The following MAP3K13 variants were observed in gnomAD, a reference collection of about 807,000 sequenced individuals.
The protein encoded by MAP3K13 is leucine zipper-bearing kinase.
In MAP3K13, 52 loss-of-function variants were observed where a neutral mutation model predicts 104.0. That is an observed-to-expected ratio of 0.50 (90% CI 0.40 to 0.63). The LOEUF is 0.63. Among genes scored for constraint, MAP3K13 ranks in the 20% least tolerant of loss-of-function variants. The pLI, the probability that MAP3K13 is intolerant of heterozygous loss-of-function variation, is 0.00. For missense variants in MAP3K13, 914 were observed against 1,218.5 expected, an observed-to-expected ratio of 0.75 and a Z score of 3.72; for synonymous variants, 394 against 442.2, an observed-to-expected ratio of 0.89 and a Z score of 1.37.
At chr3:185,303,758 A>T (rs7428763) in intron 2 of MAP3K13, among the ~76,000 whole-genome samples, 117,474 of 151,282 alleles carry the variant, frequency 0.78, 46,132 homozygotes, top group Non-Finnish European at 0.84. Flanking sequence ...TGCCTTTTTT[A>T]AAAAGACAAG....
intron 2 of MAP3K13, chr3:185,292,083 T>C (rs1379262172): frequency 1.3e-6 from 1 of 763,878 alleles, no homozygotes. Flanking sequence ...GGCAGCTGGA[T>C]GCCCCAAGGT....
chr3:185,375,652 A>G (rs1724390062), intron 1 of MAP3K13, among the ~76,000 whole-genome samples: 2 of 152,330 alleles, frequency 1.3e-5, no homozygotes, highest in East Asian at 1.9e-4. Flanking sequence ...CGTGAGGGAT[A>G]CAAGTTGGAA....
chr3:185,462,332 T>G (rs909459093), intron 7 of MAP3K13, among the ~76,000 whole-genome samples: 1 of 152,184 alleles, frequency 6.6e-6, no homozygotes, highest in Non-Finnish European at 1.5e-5. Flanking sequence ...TTCTAATACT[T>G]CTGTACATTT....
At chr3:185,302,600 A>C (rs2108680576) in intron 2 of MAP3K13, among the ~76,000 whole-genome samples, 1 of 152,256 alleles carries the variant, frequency 6.6e-6, no homozygotes. Context: ...ATGCTATTAT[A>C]AATGGGTTTG....
chr3:185,426,086 T>C (rs1232491234), intron 1 of MAP3K13, among the ~76,000 whole-genome samples: 1 of 151,902 alleles, frequency 6.6e-6, no homozygotes, highest in Non-Finnish European at 1.5e-5. Flanking sequence ...TTCTCCTTCT[T>C]CTTCTTCTTC....
intron 1 of MAP3K13, among the ~76,000 whole-genome samples, chr3:185,421,109 CACCTACAG>C (rs1407354229): frequency 6.6e-6 from 1 of 152,202 alleles, no homozygotes; most frequent in Non-Finnish European, 1.5e-5. Context: ...AGCATCACCT[CACCTACAG>C]ACCTTCCCGG....
chr3:185,466,270 G>A (rs1479976206), intron 9 of MAP3K13, among the ~76,000 whole-genome samples: 2 of 151,830 alleles, frequency 1.3e-5, no homozygotes, highest in Non-Finnish European at 2.9e-5. Flanking sequence ...CAGGACTTCT[G>A]TCATTGTATT....
At chr3:185,330,025 G>A (rs1050294580) in intron 2 of MAP3K13, among the ~76,000 whole-genome samples, 1 of 141,736 alleles carries the variant, frequency 7.1e-6, no homozygotes, top group East Asian at 2.2e-4. Flanking sequence ...GATTATAGGC[G>A]CCCGCCACCA....
At chr3:185,376,377 C>T (rs2108754288) in intron 1 of MAP3K13, among the ~76,000 whole-genome samples, 1 of 152,248 alleles carries the variant, frequency 6.6e-6, no homozygotes, top group Admixed American at 6.5e-5. Context: ...TTTTGAGGGC[C>T]TCTAAAAGTA....
intron 1 of MAP3K13, among the ~76,000 whole-genome samples, chr3:185,408,144 C>A (rs868018019): frequency 6.6e-6 from 1 of 151,752 alleles, no homozygotes; most frequent in Non-Finnish European, 1.5e-5. Context: ...AATAGTTTTA[C>A]AGGAAAAAAA....
At chr3:185,332,087 C>T (rs1385597925) in intron 2 of MAP3K13, among the ~76,000 whole-genome samples, 2 of 152,160 alleles carry the variant, frequency 1.3e-5, no homozygotes, top group Non-Finnish European at 2.9e-5. Flanking sequence ...TGCTGAAGTT[C>T]ATAGCCTTGT....
At chr3:185,344,913 G>A (rs866858049) in intron 2 of MAP3K13, among the ~76,000 whole-genome samples, 5 of 146,650 alleles carry the variant, frequency 3.4e-5, no homozygotes, top group African/African-American at 1.3e-4. Context: ...ACAGAGTCTC[G>A]CTCTGTCTCC....
chr3:185,416,814 G>A (rs1207981445), intron 1 of MAP3K13, among the ~76,000 whole-genome samples: 1 of 150,876 alleles, frequency 6.6e-6, no homozygotes, highest in Non-Finnish European at 1.5e-5. Flanking sequence ...GTAGTAACAG[G>A]GTCTCACTGT....
intron 2 of MAP3K13, among the ~76,000 whole-genome samples, chr3:185,296,831 A>G (rs1474125705): frequency 6.6e-6 from 1 of 152,248 alleles, no homozygotes; most frequent in Non-Finnish European, 1.5e-5. Flanking sequence ...GAATTAATTA[A>G]ATTTATTTAT....
At chr3:185,429,207 G>C in intron 2 of MAP3K13, 151 bp downstream of exon 2, 1 of 748,850 alleles carries the variant, frequency 1.3e-6, no homozygotes, top group Non-Finnish European at 2.1e-6. Flanking sequence ...CAGTAGACCA[G>C]CTGAAGGGAA....
intron 2 of MAP3K13, among the ~76,000 whole-genome samples, chr3:185,319,337 C>T (rs1405501014): frequency 2.0e-5 from 3 of 152,172 alleles, no homozygotes; most frequent in Admixed American, 6.5e-5. Flanking sequence ...TTGTATCTAC[C>T]GCATATATGC....
In MAP3K13 at chr3:185,363,146, C is replaced by A. The variant is rs1353639743; in HGVS notation, c.-308C>A. On this transcript the variant is annotated 5_prime_UTR_variant, in exon 1 of 14. Transcript: ENST00000265026. Reference sequence around the variant, plus strand: ...CCTCTTTTTTTTTTCATGACACACACCACAGCGAAGTCTGTGCGGAATCCT... The same window carrying A: ...CCTCTTTTTTTTTTCATGACACACAACACAGCGAAGTCTGTGCGGAATCCT... 1.0e-6 allele frequency: 1 copy of A among 984,850 alleles called. No homozygotes were observed. The highest frequency in any genetic ancestry group is 1.8e-5 in the African/African-American group (1 of 57,112). 61.0% of individuals were successfully genotyped at this position (984,850 alleles called of 1,614,324 possible).
chr3:185,354,185 CTTTGTTCTTGTCATA>C, intron 2 of MAP3K13, among the ~76,000 whole-genome samples: 1 of 152,032 alleles, frequency 6.6e-6, no homozygotes, highest in Non-Finnish European at 1.5e-5. Context: ...CTTGGGGCAT[CTTTGTTCTTGTCATA>C]TTTGTCTCCA....
chr3:185,321,101 C>T (rs1721845222), intron 2 of MAP3K13, among the ~76,000 whole-genome samples: 1 of 150,560 alleles, frequency 6.6e-6, no homozygotes, highest in African/African-American at 2.4e-5. Context: ...CACATGCGTG[C>T]ACACACATAT....
Sources: gnomAD v4.1 joint callset for allele counts (sites outside exome capture counted in the v4.1 genomes callset) on GRCh38, gnomAD v4.1.1 for gene constraint, MANE v1.5 for transcripts, NCBI Gene and HGNC (gene_info 2026-07-23, HGNC 2026-07-21) for gene names.